The following CLVS2 variants were observed in gnomAD, a reference collection of about 807,000 sequenced individuals.
CLVS2 encodes clavesin-2.
A neutral mutation model predicts 29.0 loss-of-function variants in CLVS2; 19 were observed. The ratio of observed to expected loss-of-function variants is 0.66; its 90% CI spans 0.46 to 0.96. The LOEUF (loss-of-function observed/expected upper bound fraction) is 0.96, where lower values mean the gene tolerates loss of function less well. Among genes scored for constraint, CLVS2 ranks in the 40% least tolerant of loss-of-function variants. The pLI is 0.00. For synonymous variants in CLVS2, 161 were observed against 151.3 expected, an observed-to-expected ratio of 1.06 and a Z score of -0.47; for missense variants, 294 against 404.1, an observed-to-expected ratio of 0.73 and a Z score of 2.34.
At position 123,055,931 on chromosome 6, in the gene CLVS2, C is replaced by A. The variant is rs200964655; in HGVS notation, c.801C>A (p.Asp267Glu). 1.2e-6 allele frequency: 2 copies of A among 1,613,972 alleles called. No individual in the cohort carries two copies. Among genetic ancestry groups the A allele is most frequent in the East Asian group, 2.2e-5 (1 of 44,846 alleles). Reference protein sequence around the residue: ...DMGTWARTLLDHEYDDDSEYN... With the variant: ...DMGTWARTLLEHEYDDDSEYN... Reference sequence around the variant, plus strand: ...GGACATGGGCAAGAACACTGCTAGACCATGAATATGACGATGACAGCGAGT... The same window carrying A: ...GGACATGGGCAAGAACACTGCTAGAACATGAATATGACGATGACAGCGAGT... Residue 267 changes from aspartate (D) to glutamate (E), a missense_variant, in exon 5 of 6, where the codon GAC (aspartate) becomes GAA (glutamate). This residue lies in a region of CLVS2 where 212 missense variants were observed against 336.4 expected (regional missense o/e 0.63). Transcript: ENST00000275162.
intron 3 of CLVS2, among the ~76,000 whole-genome samples, chr6:123,019,745 A>G (rs1330587132): frequency 6.6e-6 from 1 of 152,096 alleles, no homozygotes; most frequent in Non-Finnish European, 1.5e-5. Flanking sequence ...TTTATTATAT[A>G]AGACGTTGGC....
chr6:123,024,265 T>C (rs996791660), intron 3 of CLVS2, among the ~76,000 whole-genome samples: 9 of 152,178 alleles, frequency 5.9e-5, no homozygotes, highest in African/African-American at 2.2e-4. Flanking sequence ...AAAACGATTA[T>C]CATAGGTATT....
intron 4 of CLVS2, among the ~76,000 whole-genome samples, chr6:123,052,243 C>T: frequency 6.6e-6 from 1 of 152,104 alleles, no homozygotes; most frequent in Non-Finnish European, 1.5e-5. Flanking sequence ...GGAAGGCCTT[C>T]CTGACAAGGG....
At chr6:123,014,002 T>G (rs990080473) in intron 3 of CLVS2, among the ~76,000 whole-genome samples, 1 of 152,206 alleles carries the variant, frequency 6.6e-6, no homozygotes, top group Non-Finnish European at 1.5e-5. Context: ...CATCATTTTT[T>G]ATGGCTGCAT....
In CLVS2 at chr6:123,068,915, A is replaced by T. The variant is rs1252653579; in HGVS notation, c.*5154A>T. 6.6e-6 allele frequency: 1 copy of T among 151,582 alleles called. No homozygotes were observed. Among genetic ancestry groups the T allele is most frequent in the Non-Finnish European group, 1.5e-5 (1 of 67,700 alleles). 9.4% of individuals were successfully genotyped at this position (151,582 alleles called of 1,614,324 possible). The stretch of plus-strand genomic sequence containing the variant: ...GTATACATTTATTTTGCACATTGTT[A>T]ATGTTAAATTTGGTAGTCCTGGATC... On this transcript the variant is annotated 3_prime_UTR_variant, in exon 6 of 6. Coordinates refer to ENST00000275162, the MANE Select transcript of CLVS2 (RefSeq NM_001010852.4).
intron 2 of CLVS2, among the ~76,000 whole-genome samples, chr6:123,008,089 T>C (rs1774694850): frequency 6.6e-6 from 1 of 152,180 alleles, no homozygotes; most frequent in Non-Finnish European, 1.5e-5. Context: ...GCTGAGCTGC[T>C]AATGGTAATA....
Position 122,997,656 on chromosome 6 carries a change from T to TGGAG in CLVS2, c.-122_-121insGGAG. ...GGACACCAAGATTATTAATTTCCTGTAGGGGAGAGGAAGCAGGCAGCAGGA... is the reference window on the plus strand; with the variant it reads ...GGACACCAAGATTATTAATTTCCTGTGGAGAGGGGAGAGGAAGCAGGCAGCAGGA... On this transcript the variant is annotated 5_prime_UTR_variant, in exon 2 of 6. Coordinates refer to ENST00000275162, the MANE Select transcript of CLVS2 (RefSeq NM_001010852.4). 1.1e-6 allele frequency: 1 copy of TGGAG among 909,050 alleles called. No homozygotes were observed. Among genetic ancestry groups the TGGAG allele is most frequent in the Non-Finnish European group, 1.7e-6 (1 of 583,708 alleles). The allele number at this position is 909,050 out of a possible 1,614,324, so 56.3% of individuals were successfully genotyped here. A position where few individuals can be genotyped will look rare whatever the true frequency, so the allele number is the denominator to read the frequency against.
chr6:123,018,282 T>A (rs1274343550), intron 3 of CLVS2, among the ~76,000 whole-genome samples: 1 of 152,062 alleles, frequency 6.6e-6, no homozygotes, highest in Non-Finnish European at 1.5e-5. Context: ...TGCATCTTGA[T>A]GTGTTCTTCT....
chr6:123,033,837 G>C (rs1775114460), intron 3 of CLVS2, among the ~76,000 whole-genome samples: 1 of 151,922 alleles, frequency 6.6e-6, no homozygotes, highest in African/African-American at 2.4e-5. Flanking sequence ...CTTTTATCTA[G>C]GGTCATATAA....
At chr6:123,044,326 C>T (rs1425713833) in intron 3 of CLVS2, among the ~76,000 whole-genome samples, 3 of 152,122 alleles carry the variant, frequency 2.0e-5, no homozygotes, top group Non-Finnish European at 4.4e-5. Context: ...CAGTGTAAAA[C>T]TAGCTCTGTA....
intron 3 of CLVS2, among the ~76,000 whole-genome samples, chr6:123,023,901 A>T (rs1774959890): frequency 6.6e-6 from 1 of 152,094 alleles, no homozygotes; most frequent in Non-Finnish European, 1.5e-5. Flanking sequence ...TGATTATATG[A>T]ATTGACATAC....
At chr6:122,998,223 A>C in intron 2 of CLVS2, 57 bp downstream of exon 2, 1 of 1,533,566 alleles carries the variant, frequency 6.5e-7, no homozygotes. Flanking sequence ...TCCAGAATTT[A>C]CCCCGAGTAG....
intron 5 of CLVS2, among the ~76,000 whole-genome samples, chr6:123,060,387 G>A (rs148563866): frequency 2.0e-3 from 299 of 152,276 alleles, no homozygotes; most frequent in Non-Finnish European, 3.1e-3. Context: ...AGTGAGTAAA[G>A]TAACCATACC....
intron 2 of CLVS2, among the ~76,000 whole-genome samples, chr6:123,010,334 C>T (rs1774730540): frequency 6.6e-6 from 1 of 151,912 alleles, no homozygotes; most frequent in African/African-American, 2.4e-5. Flanking sequence ...AGGAACTAAC[C>T]TGCTAAGGTG....
Position 122,997,421 on chromosome 6 carries a change from C to T in CLVS2, c.-357C>T, listed in dbSNP as rs1317441917. On this transcript the variant is annotated 5_prime_UTR_variant, in exon 2 of 6. Transcript: ENST00000275162. ...GGACAGTACCAAGATCAGAAACACC[C>T]GTGCTAGGTGGAATTAGGGGTGATT... The T allele has an allele frequency of 7.6e-6, 2 of 262,708 alleles. No homozygotes were observed. Among genetic ancestry groups the T allele is most frequent in the Non-Finnish European group, 1.6e-5 (2 of 127,904 alleles). 16.3% of individuals were successfully genotyped at this position (262,708 alleles called of 1,614,324 possible).
At position 123,048,645 on chromosome 6, in the gene CLVS2, A is replaced by T. The variant is rs779861147; in HGVS notation, c.588A>T (p.Gly196=). The T allele has an allele frequency of 6.2e-7, 1 of 1,612,816 alleles. No homozygotes were observed. The highest frequency in any genetic ancestry group is 8.5e-7 in the Non-Finnish European group (1 of 1,179,124). Residue 196 remains glycine (G), a synonymous_variant, in exon 4 of 6, where the codon GGA becomes GGT. Transcript: ENST00000275162. ...AGGATAGTTTCCCAGCGCGATTTGG[A>T]GGAATTCATTTTGTCAATCAACCAT... ...GLQDSFPARF[G]GIHFVNQPWY... is the part of the protein sequence containing the mutation.
Position 123,064,374 on chromosome 6 carries a change from C to G in CLVS2, c.*613C>G, listed in dbSNP as rs1772822789. 6.6e-6 allele frequency: 1 copy of G among 152,138 alleles called. No homozygotes were observed. The highest frequency in any genetic ancestry group is 2.1e-4 in the South Asian group (1 of 4,832). 9.4% of individuals were successfully genotyped at this position (152,138 alleles called of 1,614,324 possible). A position where few individuals can be genotyped will look rare whatever the true frequency, so the allele number is the denominator to read the frequency against. ...TGAGCTGGTAAACTGAACACTTGAA[C>G]TCTTCTATGTTGTTTAATTCTTGGA... On this transcript the variant is annotated 3_prime_UTR_variant, in exon 6 of 6. Transcript: ENST00000275162.
Position 123,058,145 on chromosome 6 carries a change from C to CT in CLVS2, c.896+2127dup, listed in dbSNP as rs202082111. On this transcript the variant is annotated intron_variant, in intron 5 of 5. Transcript: ENST00000275162. ...TAGGTACTTTTCATGAAGTAGGTGT[C>CT]TTTTTTTTACATTAATTTATAAATC... is the stretch of plus-strand genomic sequence containing the variant. Among the ~76,000 whole-genome samples the CT allele has an allele frequency of 5.5e-3, 829 of 151,976 alleles. 8 individuals carry two copies. The highest frequency in any genetic ancestry group is 0.012 in the East Asian group (63 of 5,178).
At chr6:123,020,828 G>C (rs894571004) in intron 3 of CLVS2, among the ~76,000 whole-genome samples, 1 of 151,444 alleles carries the variant, frequency 6.6e-6, no homozygotes, top group African/African-American at 2.4e-5. Flanking sequence ...TTTCCTCTTG[G>C]GAATATTCTA....
Sources: gnomAD v4.1 joint callset for allele counts (sites outside exome capture counted in the v4.1 genomes callset) on GRCh38, gnomAD v4.1.1 for gene constraint, gnomAD v4.1.1 regional missense constraint, MANE v1.5 for transcripts, NCBI Gene and HGNC (gene_info 2026-07-23, HGNC 2026-07-21) for gene names.